Variants in AIM2 observed in about 807,000 individuals in gnomAD.
AIM2 encodes interferon-inducible protein AIM2.
A neutral mutation model predicts 27.7 loss-of-function variants in AIM2; 30 were observed. That is an observed-to-expected ratio of 1.08 (90% CI 0.81 to 1.47). The LOEUF is 1.47. Ranked by LOEUF, AIM2 falls within the 40% of genes most tolerant of loss-of-function variation. The pLI is 0.00. For missense variants in AIM2, 358 were observed against 411.3 expected (o/e 0.87, Z 1.12); for synonymous variants, 141 against 145.3 (o/e 0.97, Z 0.21).
intron 1 of AIM2, among the ~76,000 whole-genome samples, chr1:159,124,588 C>T (rs1184384424): frequency 1.3e-5 from 2 of 152,226 alleles, no homozygotes; most frequent in South Asian, 2.1e-4. Context: ...GGAACTGAAA[C>T]GTAAGGCTCC....
intron 1 of AIM2, among the ~76,000 whole-genome samples, chr1:159,126,866 G>A (rs576352759): frequency 6.6e-6 from 1 of 152,188 alleles, no homozygotes; most frequent in East Asian, 1.9e-4. Context: ...AAGGCAGAAT[G>A]CATTAATACA....
rs1285943906 is a variant in AIM2 at position 159,063,421 on chromosome 1, T to C, written c.1005+65A>G. 7 of 1,494,858 alleles carry C rather than the reference T, an allele frequency of 4.7e-6. No individual in the cohort carries two copies. In the African/African-American group the frequency reaches 9.8e-5, roughly 21 times the overall value. 92.6% of individuals were successfully genotyped at this position (1,494,858 alleles called of 1,614,324 possible). A position where few individuals can be genotyped will look rare whatever the true frequency, so the allele number is the denominator to read the frequency against. ...TCCTGTTCAATGGCTCCAGTCCGGC[T>C]TTCTGATAGAAAACAAAAAATATCA... On this transcript the variant is annotated intron_variant, in intron 5 of 5. Coordinates refer to ENST00000368130, the MANE Select transcript of AIM2 (RefSeq NM_004833.3).
chr1:159,114,593 T>A (rs539716076), intron 1 of AIM2, among the ~76,000 whole-genome samples: 13 of 152,258 alleles, frequency 8.5e-5, no homozygotes, highest in African/African-American at 2.9e-4. Context: ...GCTTGTAATG[T>A]CAGCTACTCA....
intron 1 of AIM2, among the ~76,000 whole-genome samples, chr1:159,086,240 C>T (rs1656908889): frequency 1.3e-5 from 2 of 152,208 alleles, no homozygotes; most frequent in African/African-American, 4.8e-5. Flanking sequence ...AAAAAGGCAA[C>T]AAGGGTGAGG....
At chr1:159,078,562 G>C (rs1656693197), upstream of AIM2, among the ~76,000 whole-genome samples, 1 of 152,216 alleles carries the variant, frequency 6.6e-6, no homozygotes, top group Admixed American at 6.5e-5. Flanking sequence ...CCTGTAAAAG[G>C]TGAGTTAAGT....
upstream of AIM2, among the ~76,000 whole-genome samples, chr1:159,141,255 CT>C (rs1012737336): frequency 2.6e-5 from 4 of 152,156 alleles, no homozygotes; most frequent in Admixed American, 2.0e-4. Flanking sequence ...GACAATCTGC[CT>C]TTTTGTGGTC....
At position 159,066,113 on chromosome 1, in the gene AIM2, T is replaced by G. The variant is rs1389882919; in HGVS notation, c.613A>C (p.Arg205=). Residue 205 remains arginine (R), a synonymous_variant, in exon 4 of 6, where the codon AGA becomes CGA. Coordinates refer to ENST00000368130, the MANE Select transcript of AIM2 (RefSeq NM_004833.3). ...TAATATCTTGCTATTATAATTATTC[T>G]CTTTGGAATGAATTTATCTTTCAGC... ...TLLKDKFIPK[R]IIIIARYYRH... is the part of the protein sequence containing the mutation. The G allele has an allele frequency of 6.2e-7, 1 of 1,614,212 alleles. No homozygotes were observed. Among genetic ancestry groups the G allele is most frequent in the Non-Finnish European group, 8.5e-7 (1 of 1,180,018 alleles).
chr1:159,073,406 C>A lies in AIM2; in HGVS notation c.94G>T (p.Glu32Ter), dbSNP rs2276405. 2 of 1,614,126 alleles carry A rather than the reference C, an allele frequency of 1.2e-6. No individual in the cohort carries two copies. The highest frequency in any genetic ancestry group is 2.2e-5 in the South Asian group (2 of 91,086). The change falls in exon 2 of 6, where the codon GAG becomes TAG. Residue 32 changes from glutamate (E) to a stop codon, truncating the protein, a stop_gained. Transcript: ENST00000368130. LOFTEE classifies it high-confidence loss of function. Reference protein sequence around the residue: ...LDRFKFFLSDEFNIATGKLHT... With the variant: ...LDRFKFFLSD ...AGTTTGCCTGTGGCAATATTAAACT[C>A]GTCTGAAAGAAAGAACTTAAACCTA...
chr1:159,064,048 G>T (rs1655971807), intron 4 of AIM2, among the ~76,000 whole-genome samples: 1 of 152,144 alleles, frequency 6.6e-6, no homozygotes. Flanking sequence ...ACAAAAATAT[G>T]TGTTAAGTGA....
downstream of AIM2, among the ~76,000 whole-genome samples, chr1:159,061,451 G>A (rs1655830797): frequency 6.6e-6 from 1 of 151,838 alleles, no homozygotes; most frequent in Non-Finnish European, 1.5e-5. Context: ...GGAGTGCAAT[G>A]GCGCAATCTC....
chr1:159,082,695 T>C (rs533441005), intron 1 of AIM2, among the ~76,000 whole-genome samples: 1 of 152,270 alleles, frequency 6.6e-6, no homozygotes, highest in East Asian at 1.9e-4. Context: ...ACGAAGCCCA[T>C]ACCCTCAAGA....
intron 1 of AIM2, among the ~76,000 whole-genome samples, chr1:159,101,194 C>T (rs2814760): frequency 0.74 from 111,596 of 149,942 alleles, 44,689 homozygotes; most frequent in Non-Finnish European, 0.89. Flanking sequence ...GGGCAGGGGG[C>T]GGGGGTGGTT....
chr1:159,125,550 CAG>C (rs983572805), intron 1 of AIM2, among the ~76,000 whole-genome samples: 7 of 151,712 alleles, frequency 4.6e-5, no homozygotes, highest in East Asian at 1.9e-4. Flanking sequence ...CACGGAAAGC[CAG>C]AGAGAGAGAG....
At chr1:159,135,986 T>A (rs1648003901) in intron 1 of AIM2, among the ~76,000 whole-genome samples, 1 of 152,182 alleles carries the variant, frequency 6.6e-6, no homozygotes, top group Non-Finnish European at 1.5e-5. Context: ...AAGCCCGGCA[T>A]TGCCCCACGC....
At chr1:159,105,772 T>C (rs1406227468) in intron 1 of AIM2, among the ~76,000 whole-genome samples, 1 of 152,086 alleles carries the variant, frequency 6.6e-6, no homozygotes, top group Non-Finnish European at 1.5e-5. Flanking sequence ...CTGTGGTTTT[T>C]ATGGGCTCAG....
chr1:159,107,225 G>A (rs1657468397), intron 1 of AIM2, among the ~76,000 whole-genome samples: 1 of 152,070 alleles, frequency 6.6e-6, no homozygotes, highest in Admixed American at 6.6e-5. Context: ...GACCTGATAA[G>A]TCTTTGAGGA....
At chr1:159,132,632 C>CAT (rs775137779) in intron 1 of AIM2, among the ~76,000 whole-genome samples, 3 of 152,200 alleles carry the variant, frequency 2.0e-5, no homozygotes, top group African/African-American at 4.8e-5. Context: ...GTACAACACA[C>CAT]ATATACACAT....
At chr1:159,121,601 A>G (rs560726745) in intron 1 of AIM2, among the ~76,000 whole-genome samples, 70 of 152,268 alleles carry the variant, frequency 4.6e-4, no homozygotes, top group South Asian at 2.1e-3. Context: ...GGCTCCCAGC[A>G]CATAGCTTGG....
At chr1:159,129,975 GA>G (rs1366105997) in intron 1 of AIM2, among the ~76,000 whole-genome samples, 7 of 152,092 alleles carry the variant, frequency 4.6e-5, no homozygotes, top group African/African-American at 1.7e-4. Context: ...ACTCACTTGG[GA>G]ACTCACTAAT....
Sources: allele counts gnomAD v4.1 joint callset (sites outside exome capture counted in the v4.1 genomes callset), GRCh38; gene constraint gnomAD v4.1.1; transcripts MANE v1.5; gene names NCBI Gene and HGNC (gene_info 2026-07-23, HGNC 2026-07-21).